Variants in PSMA1 observed in about 807,000 individuals in gnomAD.
PSMA1 encodes the protein proteasome 20S subunit alpha 1.
Under a neutral mutation model 38.4 loss-of-function variants are expected in PSMA1, and 3 were observed. The ratio of observed to expected loss-of-function variants is 0.08; its 90% CI spans 0.04 to 0.20. The LOEUF (loss-of-function observed/expected upper bound fraction) is 0.20, where lower values mean the gene tolerates loss of function less well. Among genes scored for constraint, PSMA1 ranks in the 10% least tolerant of loss-of-function variants. PSMA1 has a pLI of 1.00. For synonymous variants in PSMA1, 101 were observed against 107.1 expected, an observed-to-expected ratio of 0.94 and a Z score of 0.35; for missense variants, 227 against 325.3, an observed-to-expected ratio of 0.70 and a Z score of 2.32.
chr11:14,561,876 C>A (rs75207087), intron 2 of PSMA1, among the ~76,000 whole-genome samples: 5 of 150,080 alleles, frequency 3.3e-5, no homozygotes, highest in East Asian at 2.0e-4. Flanking sequence ...ATAAACTAAA[C>A]GAAATAAAGG....
intron 2 of PSMA1, among the ~76,000 whole-genome samples, chr11:14,590,171 G>T (rs1565052114): frequency 6.6e-6 from 1 of 152,190 alleles, no homozygotes; most frequent in Non-Finnish European, 1.5e-5. Context: ...TAGAATGTTG[G>T]TTGCTAGGAG....
intron 2 of PSMA1, among the ~76,000 whole-genome samples, chr11:14,578,210 GC>G (rs1364984513): frequency 6.6e-6 from 1 of 152,100 alleles, no homozygotes; most frequent in Non-Finnish European, 1.5e-5. Context: ...GTACCCCAGA[GC>G]TTAAAGTATA....
chr11:14,535,119 T>C (rs1222141514), intron 2 of PSMA1, among the ~76,000 whole-genome samples: 1 of 150,072 alleles, frequency 6.7e-6, no homozygotes, highest in Non-Finnish European at 1.5e-5. Flanking sequence ...CCTGGTATTT[T>C]AGAAGCTTTT....
At chr11:14,525,386 CG>C (rs1851574870) in intron 2 of PSMA1, among the ~76,000 whole-genome samples, 2 of 152,040 alleles carry the variant, frequency 1.3e-5, no homozygotes, top group Non-Finnish European at 2.9e-5. Context: ...CCTTGGCGAC[CG>C]ATCATGCACC....
intron 2 of PSMA1, among the ~76,000 whole-genome samples, chr11:14,594,820 T>C (rs1001249838): frequency 1.3e-5 from 2 of 152,188 alleles, no homozygotes; most frequent in African/African-American, 2.4e-5. Context: ...GCAGGTTTGA[T>C]ACATAGGTAT....
intron 1 of PSMA1, chr11:14,611,255 G>A: frequency 2.3e-6 from 1 of 441,802 alleles, no homozygotes; most frequent in Non-Finnish European, 4.0e-6. Flanking sequence ...CTCCTCTCCT[G>A]GGGGTAAGTA....
intron 2 of PSMA1, among the ~76,000 whole-genome samples, chr11:14,555,105 C>T (rs528747922): frequency 5.3e-5 from 8 of 152,326 alleles, no homozygotes; most frequent in African/African-American, 9.6e-5. Flanking sequence ...TGGTTCACTA[C>T]GTCACATGTG....
intron 2 of PSMA1, among the ~76,000 whole-genome samples, chr11:14,568,183 A>G (rs996919408): frequency 6.6e-6 from 1 of 152,230 alleles, no homozygotes; most frequent in Non-Finnish European, 1.5e-5. Context: ...GTCTAGGATC[A>G]GGCAATCTGT....
chr11:14,639,573 A>G (rs1467117105), intron 1 of PSMA1, among the ~76,000 whole-genome samples: 1 of 152,244 alleles, frequency 6.6e-6, no homozygotes, highest in African/African-American at 2.4e-5. Flanking sequence ...AGAGCTAGCC[A>G]TGTAAATAAG....
intron 2 of PSMA1, among the ~76,000 whole-genome samples, chr11:14,575,163 C>G (rs1274295360): frequency 6.6e-6 from 1 of 152,098 alleles, no homozygotes; most frequent in Non-Finnish European, 1.5e-5. Context: ...CGGAATTTTA[C>G]CCCTGCCCTA....
intron 9 of PSMA1, among the ~76,000 whole-genome samples, chr11:14,507,261 C>T (rs1374265017): frequency 2.0e-5 from 3 of 151,916 alleles, no homozygotes; most frequent in African/African-American, 7.3e-5. Flanking sequence ...CTCCGCCTCC[C>T]GGGTTCAAGC....
At chr11:14,550,873 G>T (rs1029394879) in intron 2 of PSMA1, among the ~76,000 whole-genome samples, 1 of 152,088 alleles carries the variant, frequency 6.6e-6, no homozygotes, top group Non-Finnish European at 1.5e-5. Context: ...CATCAAGATT[G>T]CATTTAAGCC....
In PSMA1 at chr11:14,603,399, CTT is replaced by C. The variant is rs537941829; in HGVS notation, c.21+7565_21+7566del. Among the ~76,000 whole-genome samples the C allele has an allele frequency of 2.0e-3, 300 of 152,268 alleles. 2 individuals are homozygous for C. Among genetic ancestry groups the C allele is most frequent in the Admixed American group, 3.3e-3 (50 of 15,300 alleles). On this transcript the variant is annotated intron_variant, in intron 2 of 10. Coordinates refer to the PSMA1 transcript ENST00000418988. ...CATATGACGAGATGTAATCAGATGA[CTT>C]TATTATCTAGGAGTGATCTGCTCTA...
At chr11:14,636,915 C>T (rs1487797265) in intron 1 of PSMA1, among the ~76,000 whole-genome samples, 1 of 152,142 alleles carries the variant, frequency 6.6e-6, no homozygotes. Flanking sequence ...TTCATTTGGC[C>T]AATTATAATG....
At chr11:14,576,255 T>C (rs1240854282) in intron 2 of PSMA1, among the ~76,000 whole-genome samples, 1 of 152,234 alleles carries the variant, frequency 6.6e-6, no homozygotes, top group Non-Finnish European at 1.5e-5. Context: ...TGGTAGTTTC[T>C]TTTGCTGTGC....
chr11:14,639,709 T>C (rs1259131929), intron 1 of PSMA1, among the ~76,000 whole-genome samples: 2 of 152,248 alleles, frequency 1.3e-5, no homozygotes, highest in African/African-American at 4.8e-5. Flanking sequence ...ATACTTGAGT[T>C]ATCCAAATGC....
chr11:14,620,936 T>G (rs1314943615), intron 1 of PSMA1, among the ~76,000 whole-genome samples: 1 of 152,210 alleles, frequency 6.6e-6, no homozygotes, highest in African/African-American at 2.4e-5. Flanking sequence ...TGTCAGAGAA[T>G]AGCAGCTTTA....
intron 8 of PSMA1, among the ~76,000 whole-genome samples, chr11:14,508,400 A>C (rs1202709141): frequency 1.3e-5 from 2 of 152,048 alleles, no homozygotes; most frequent in African/African-American, 4.8e-5. Flanking sequence ...GTACTATTAA[A>C]GGACATTGTT....
intron 1 of PSMA1, among the ~76,000 whole-genome samples, chr11:14,633,231 A>G (rs1853056145): frequency 1.3e-5 from 2 of 149,276 alleles, no homozygotes; most frequent in South Asian, 4.3e-4. Context: ...TAGAGTTTCC[A>G]GTTTTTCTGT....
Sources: allele counts gnomAD v4.1 joint callset (sites outside exome capture counted in the v4.1 genomes callset), GRCh38; gene constraint gnomAD v4.1.1; transcripts MANE v1.5; gene names NCBI Gene and HGNC (gene_info 2026-07-23, HGNC 2026-07-21).